The following NME7 variants were observed in gnomAD, a reference collection of about 807,000 sequenced individuals.
NME7 encodes nucleoside diphosphate kinase 7.
NME7 carries 41 observed loss-of-function variants against 49.1 expected under a neutral mutation model. The ratio of observed to expected loss-of-function variants is 0.83; its 90% CI spans 0.65 to 1.08. The LOEUF (loss-of-function observed/expected upper bound fraction) is 1.08. Ranked by LOEUF, NME7 falls within the 50% of genes least tolerant of loss-of-function variation. NME7 has a pLI of 0.00. For missense variants in NME7, 423 were observed against 463.4 expected, an observed-to-expected ratio of 0.91 and a Z score of 0.80; for synonymous variants, 139 against 150.6, an observed-to-expected ratio of 0.92 and a Z score of 0.56.
intron 10 of NME7, among the ~76,000 whole-genome samples, chr1:169,182,627 A>T (rs192055213): frequency 1.3e-5 from 2 of 152,344 alleles, no homozygotes; most frequent in East Asian, 3.9e-4. Context: ...AACAGGCTGC[A>T]TTACCTCTAC....
chr1:169,335,402 T>C (rs1652420784), intron 1 of NME7, among the ~76,000 whole-genome samples: 1 of 152,092 alleles, frequency 6.6e-6, no homozygotes, highest in Non-Finnish European at 1.5e-5. Context: ...GATCATGTCC[T>C]TTGCAGGGAC....
Position 169,258,207 on chromosome 1 carries a change from C to T in NME7, c.755-20520G>A, listed in dbSNP as rs78393067. On this transcript the variant is annotated intron_variant, in intron 7 of 11. Coordinates refer to ENST00000367811, the MANE Select transcript of NME7 (RefSeq NM_013330.5). ...AAGAAATTAGCTAGGTGTTGTGGCA[C>T]GTGTCTGTAGTGCCAGCTGCTCTGC... is the stretch of plus-strand genomic sequence containing the variant. Among the ~76,000 whole-genome samples the T allele has an allele frequency of 2.1e-3, 269 of 126,958 alleles. 27 individuals are homozygous for T. Among genetic ancestry groups the T allele is most frequent in the African/African-American group, 6.8e-3 (257 of 37,940 alleles). The allele number at this position is 126,958 out of a possible 152,430, so 83.3% of individuals were successfully genotyped here.
chr1:169,198,192 A>G (rs1660442061), intron 10 of NME7, among the ~76,000 whole-genome samples: 1 of 152,124 alleles, frequency 6.6e-6, no homozygotes, highest in Admixed American at 6.6e-5. Flanking sequence ...AGAATTAAAA[A>G]GTCATACTAA....
At chr1:169,349,961 C>T (rs1356385250) in intron 1 of NME7, among the ~76,000 whole-genome samples, 1 of 152,014 alleles carries the variant, frequency 6.6e-6, no homozygotes, top group Non-Finnish European at 1.5e-5. Flanking sequence ...GAGGCCGAGG[C>T]AGATGGATTG....
intron 10 of NME7, among the ~76,000 whole-genome samples, chr1:169,186,279 C>T (rs1660062826): frequency 6.6e-6 from 1 of 152,070 alleles, no homozygotes; most frequent in African/African-American, 2.4e-5. Context: ...CAAAATAGCA[C>T]CACGGACAGG....
intron 8 of NME7, among the ~76,000 whole-genome samples, chr1:169,236,478 C>G (rs1219952985): frequency 6.6e-6 from 1 of 152,050 alleles, no homozygotes; most frequent in African/African-American, 2.4e-5. Flanking sequence ...ACAAACTATA[C>G]CCAATCACCA....
intron 10 of NME7, among the ~76,000 whole-genome samples, chr1:169,201,015 G>A (rs1288906766): frequency 3.3e-5 from 5 of 152,062 alleles, no homozygotes; most frequent in Non-Finnish European, 4.4e-5. Context: ...AGGATCCCTT[G>A]AACTCAGGAG....
At position 169,266,767 on chromosome 1, in the gene NME7, A is replaced by C. The variant is rs1288540880; in HGVS notation, c.754+20536T>G. Among the ~76,000 whole-genome samples, 6 of 133,410 alleles carry C rather than the reference A, an allele frequency of 4.5e-5. 1 individual carries two copies. The East Asian group carries it at 1.2e-3, about 27-fold the overall frequency. The allele number at this position is 133,410 out of a possible 152,430, so 87.5% of individuals were successfully genotyped here. A position where few individuals can be genotyped will look rare whatever the true frequency, so the allele number is the denominator to read the frequency against. On this transcript the variant is annotated intron_variant, in intron 7 of 11. Transcript: ENST00000367811. Reference sequence around the variant, plus strand: ...CTTCAGCGAAGTTTCAGGATACAAAATCAATTTATAAAAATCAGGGCCAGG... The same window carrying C: ...CTTCAGCGAAGTTTCAGGATACAAACTCAATTTATAAAAATCAGGGCCAGG...
At chr1:169,210,817 C>T (rs1390012230) in intron 10 of NME7, among the ~76,000 whole-genome samples, 5 of 152,120 alleles carry the variant, frequency 3.3e-5, no homozygotes, top group African/African-American at 1.2e-4. Flanking sequence ...CAATTATCAG[C>T]TACCCTGCCC....
intron 7 of NME7, among the ~76,000 whole-genome samples, chr1:169,241,082 T>C (rs1312387248): frequency 1.3e-5 from 2 of 152,124 alleles, no homozygotes; most frequent in Non-Finnish European, 1.5e-5. Flanking sequence ...CAATTGTGAA[T>C]AGGATTACTC....
At chr1:169,181,127 T>C (rs1398048713) in intron 10 of NME7, among the ~76,000 whole-genome samples, 1 of 94,292 alleles carries the variant, frequency 1.1e-5, no homozygotes, top group Non-Finnish European at 2.3e-5. Flanking sequence ...GCTATAATCC[T>C]ATCTATTTAT....
intron 7 of NME7, among the ~76,000 whole-genome samples, chr1:169,278,159 T>C (rs1156959789): frequency 6.6e-6 from 1 of 150,804 alleles, no homozygotes; most frequent in Non-Finnish European, 1.5e-5. Context: ...CTGACAATTA[T>C]ATGTCTTGGA....
chr1:169,306,034 G>T (rs16862081), intron 4 of NME7, among the ~76,000 whole-genome samples: 1 of 152,096 alleles, frequency 6.6e-6, no homozygotes, highest in African/African-American at 2.4e-5. Flanking sequence ...GGTTCTGAAC[G>T]ATGAATAGGA....
intron 1 of NME7, among the ~76,000 whole-genome samples, chr1:169,325,583 A>G (rs1236110631): frequency 1.3e-5 from 2 of 152,194 alleles, no homozygotes; most frequent in African/African-American, 2.4e-5. Context: ...CTTCATTATA[A>G]TAAGCAAATA....
chr1:169,238,515 AC>A (rs1553249040), intron 7 of NME7, among the ~76,000 whole-genome samples: 2 of 148,542 alleles, frequency 1.3e-5, no homozygotes, highest in African/African-American at 2.5e-5. Context: ...ACACACACAC[AC>A]CATATTCTGG....
At position 169,275,475 on chromosome 1, in the gene NME7, T is replaced by G. The variant is rs1649671921; in HGVS notation, c.754+11828A>C. 3.6e-5 allele frequency among the ~76,000 whole-genome samples: 2 copies of G among 55,088 alleles called. 1 individual carries two copies. The highest frequency in any genetic ancestry group is 6.6e-5 in the Non-Finnish European group (2 of 30,458). The allele number at this position is 55,088 out of a possible 152,430, so 36.1% of individuals were successfully genotyped here. On this transcript the variant is annotated intron_variant, in intron 7 of 11. Transcript: ENST00000367811. ...GCCTGGGCGACAGAGCGAAACTCCG[T>G]CTCAAAAAAAAAAAAAAAAAAAAAA...
At chr1:169,204,895 A>T (rs1459119356) in intron 10 of NME7, among the ~76,000 whole-genome samples, 1 of 152,146 alleles carries the variant, frequency 6.6e-6, no homozygotes, top group East Asian at 1.9e-4. Context: ...GTATCTTTAC[A>T]GATGGTGTAA....
intron 10 of NME7, among the ~76,000 whole-genome samples, chr1:169,196,907 T>C (rs906079146): frequency 2.8e-4 from 43 of 152,316 alleles, no homozygotes; most frequent in Middle Eastern, 3.4e-3. Flanking sequence ...GCCTTTGATA[T>C]ACTTGTTATA....
intron 2 of NME7, among the ~76,000 whole-genome samples, chr1:169,323,488 CTTA>C (rs1651932021): frequency 6.6e-6 from 1 of 152,138 alleles, no homozygotes; most frequent in Non-Finnish European, 1.5e-5. Flanking sequence ...ATAAAAGCTT[CTTA>C]TTACAAATTT....
Sources: allele counts gnomAD v4.1 joint callset (sites outside exome capture counted in the v4.1 genomes callset), GRCh38; gene constraint gnomAD v4.1.1; transcripts MANE v1.5; gene names NCBI Gene and HGNC (gene_info 2026-07-23, HGNC 2026-07-21).